Variants in XKR9 observed in about 807,000 individuals in gnomAD.
The protein encoded by XKR9 is XK related 9, also known as XK-related protein 9.
Under a neutral mutation model 32.0 loss-of-function variants are expected in XKR9, and 32 were observed. The observed-to-expected ratio is 1.00, with a 90% CI of 0.76 to 1.34. XKR9 has a LOEUF of 1.34. Among genes scored for constraint, XKR9 ranks in the 40% most tolerant of loss-of-function variants. XKR9 has a pLI of 0.00. For synonymous variants in XKR9, 168 were observed against 143.4 expected (o/e 1.17, Z -1.22); for missense variants, 546 against 429.7 (o/e 1.27, Z -2.39).
intron 2 of XKR9, among the ~76,000 whole-genome samples, chr8:70,782,031 C>T (rs765716173): frequency 2.0e-5 from 3 of 152,190 alleles, no homozygotes; most frequent in Non-Finnish European, 1.5e-5. Flanking sequence ...CTCCAGACCT[C>T]TGCTCCCAAA....
chr8:70,936,750 A>T, the XKR9 span, among the ~76,000 whole-genome samples: 1 of 151,986 alleles, frequency 6.6e-6, no homozygotes, highest in Admixed American at 6.6e-5. Flanking sequence ...GATTGAGAAC[A>T]TTCTTAGAAG....
the XKR9 span, among the ~76,000 whole-genome samples, chr8:71,053,373 C>T: frequency 5.0e-3 from 758 of 152,312 alleles, 2 homozygotes; most frequent in Non-Finnish European, 8.6e-3. Flanking sequence ...GCCCTAGTTT[C>T]TCTCCTTCTG....
chr8:70,736,954 C>G (rs1806873896), downstream of XKR9, among the ~76,000 whole-genome samples: 1 of 152,152 alleles, frequency 6.6e-6, no homozygotes, highest in Non-Finnish European at 1.5e-5. Context: ...GATGCGGGCT[C>G]TTTTTTGGTT....
At chr8:71,008,706 A>C in the XKR9 span, among the ~76,000 whole-genome samples, 24 of 152,294 alleles carry the variant, frequency 1.6e-4, no homozygotes, top group Admixed American at 3.3e-4. Flanking sequence ...GGCTCACTGC[A>C]GTCTCGACCT....
the XKR9 span, among the ~76,000 whole-genome samples, chr8:71,037,844 A>G: frequency 2.6e-5 from 4 of 152,220 alleles, no homozygotes; most frequent in Non-Finnish European, 5.9e-5. Context: ...TAACAAAAGA[A>G]TGAAGTAAGT....
intron 2 of XKR9, among the ~76,000 whole-genome samples, chr8:70,744,059 C>T (rs1339400357): frequency 3.9e-5 from 6 of 152,080 alleles, no homozygotes; most frequent in Non-Finnish European, 8.8e-5. Context: ...AGTCTTTCTG[C>T]CAGCACTTTG....
chr8:70,958,308 A>G, the XKR9 span, among the ~76,000 whole-genome samples: 1 of 151,578 alleles, frequency 6.6e-6, no homozygotes, highest in Non-Finnish European at 1.5e-5. Context: ...ACTAATTTAC[A>G]CTCCCACCAC....
chr8:71,013,661 G>A, the XKR9 span, among the ~76,000 whole-genome samples: 1 of 152,186 alleles, frequency 6.6e-6, no homozygotes, highest in African/African-American at 2.4e-5. Flanking sequence ...CAGAATGTCA[G>A]CTACTTTTAT....
chr8:70,688,347 TC>T (rs1034444537), intron 3 of XKR9, among the ~76,000 whole-genome samples: 1 of 152,048 alleles, frequency 6.6e-6, no homozygotes, highest in Non-Finnish European at 1.5e-5. Flanking sequence ...GCAAGAGTTC[TC>T]CCCGTCACCC....
chr8:70,707,840 A>T (rs1308051276), intron 4 of XKR9, among the ~76,000 whole-genome samples: 1 of 152,044 alleles, frequency 6.6e-6, no homozygotes, highest in Non-Finnish European at 1.5e-5. Context: ...AGAAAAGTCT[A>T]TTTCCATCTT....
chr8:70,881,220 A>G, the XKR9 span, among the ~76,000 whole-genome samples: 3 of 152,020 alleles, frequency 2.0e-5, no homozygotes, highest in South Asian at 6.2e-4. Context: ...CAAGGACTTC[A>G]TGACTAAAAC....
At chr8:70,787,677 T>C (rs1807705951) in intron 2 of XKR9, among the ~76,000 whole-genome samples, 3 of 152,140 alleles carry the variant, frequency 2.0e-5, no homozygotes, top group Admixed American at 2.0e-4. Context: ...GTCCATTTTA[T>C]GCAGCTAGCA....
the XKR9 span, among the ~76,000 whole-genome samples, chr8:70,867,042 T>C: frequency 1.4e-4 from 21 of 152,172 alleles, no homozygotes; most frequent in Non-Finnish European, 5.9e-5. Context: ...GATAAAGACA[T>C]ACCTGAGACT....
At chr8:70,677,126 T>TA (rs5892235) in intron 2 of XKR9, among the ~76,000 whole-genome samples, 2,439 of 151,274 alleles carry the variant, frequency 0.016, 60 homozygotes, top group African/African-American at 0.057. Context: ...AGTTAAAGAT[T>TA]AAAAAAAAAT....
chr8:70,814,468 T>C, the XKR9 span, among the ~76,000 whole-genome samples: 1 of 150,050 alleles, frequency 6.7e-6, no homozygotes, highest in African/African-American at 2.4e-5. Flanking sequence ...AAAATAAAAA[T>C]AAATTATACC....
At chr8:70,729,928 G>A (rs1806607228) in intron 4 of XKR9, among the ~76,000 whole-genome samples, 1 of 152,090 alleles carries the variant, frequency 6.6e-6, no homozygotes, top group African/African-American at 2.4e-5. Flanking sequence ...GATTAATTAG[G>A]TCAGAAAGTG....
the XKR9 span, among the ~76,000 whole-genome samples, chr8:71,008,243 G>T: frequency 1.3e-5 from 2 of 152,168 alleles, no homozygotes; most frequent in Non-Finnish European, 2.9e-5. Context: ...CAAAGAGCAA[G>T]TCCCTACTTT....
At chr8:70,873,519 G>T in the XKR9 span, among the ~76,000 whole-genome samples, 1 of 152,120 alleles carries the variant, frequency 6.6e-6, no homozygotes, top group African/African-American at 2.4e-5. Flanking sequence ...TGACTTTCAG[G>T]GATTCAAGGC....
the XKR9 span, among the ~76,000 whole-genome samples, chr8:70,896,859 T>C: frequency 6.6e-6 from 1 of 152,120 alleles, no homozygotes; most frequent in Non-Finnish European, 1.5e-5. Flanking sequence ...CCTCAAAGCA[T>C]TTATCCTTTA....
Sources: allele counts gnomAD v4.1 joint callset (sites outside exome capture counted in the v4.1 genomes callset), GRCh38; gene constraint gnomAD v4.1.1; transcripts MANE v1.5; gene names NCBI Gene and HGNC (gene_info 2026-07-23, HGNC 2026-07-21).